The following TESK2 variants were observed in gnomAD, a reference collection of about 807,000 sequenced individuals.
TESK2 encodes testis associated actin remodelling kinase 2, also known as dual specificity testis-specific protein kinase 2.
TESK2 carries 39 observed loss-of-function variants against 57.1 expected under a neutral mutation model. The observed-to-expected ratio is 0.68, with a 90% CI of 0.53 to 0.89. The LOEUF is 0.89. TESK2 is among the 40% of genes least tolerant of loss of function. TESK2 has a pLI of 0.00. For missense variants in TESK2, 646 were observed against 732.1 expected (o/e 0.88, Z 1.36); for synonymous variants, 249 against 267.9 (o/e 0.93, Z 0.69).
intron 2 of TESK2, among the ~76,000 whole-genome samples, chr1:45,453,180 C>CA (rs540991542): frequency 1.2e-4 from 18 of 149,386 alleles, no homozygotes; most frequent in African/African-American, 2.9e-4. Flanking sequence ...CACAACTCTA[C>CA]AAAAAAAAAT....
intron 1 of TESK2, among the ~76,000 whole-genome samples, chr1:45,470,158 TAA>T: frequency 6.6e-6 from 1 of 152,350 alleles, no homozygotes; most frequent in East Asian, 1.9e-4. Flanking sequence ...TTTCTTTCTA[TAA>T]TCATAAAAAG....
rs138071933 is a variant in TESK2, at chr1:45,397,070, C to T, written c.345-11110G>A. On this transcript the variant is annotated intron_variant, in intron 3 of 10. Transcript: ENST00000372086. ...CTGACCTCAAGTGATCCGCCATCCT[C>T]GGCCTCCTGAAGTGCTGGGATTACA... Among the ~76,000 whole-genome samples, 97 of 152,178 alleles carry T rather than the reference C, an allele frequency of 6.4e-4. No homozygotes were observed. The East Asian group carries it at 0.013, about 21-fold the overall frequency.
chr1:45,344,851 G>C lies in TESK2; in HGVS notation c.1705C>G (p.Gln569Glu). The change falls in exon 11 of 11, where the codon CAG becomes GAG. Residue 569 changes from glutamine to glutamate, a missense_variant. Physicochemically the swap from Gln to Glu is conservative, Grantham distance 29. Transcript: ENST00000372086. Reference sequence around the variant, plus strand: ...GGGACTAAACCCCCTCACCCATCCTGCTTTCCCTGGGTTTGCAGGCCTATG... The same window carrying C: ...GGGACTAAACCCCCTCACCCATCCTCCTTTCCCTGGGTTTGCAGGCCTATG... ...SGIGLQTQGKQDG is the reference protein window; with the variant it reads ...SGIGLQTQGKEDG 1.2e-6 allele frequency: 2 copies of C among 1,612,512 alleles called. 1 individual carries two copies. Among genetic ancestry groups the C allele is most frequent in the South Asian group, 2.2e-5 (2 of 90,984 alleles).
At chr1:45,471,110 A>G (rs1168105870) in intron 1 of TESK2, among the ~76,000 whole-genome samples, 1 of 152,088 alleles carries the variant, frequency 6.6e-6, no homozygotes, top group Admixed American at 6.6e-5. Flanking sequence ...GTGCACCTAT[A>G]GTCCCAGCTA....
intron 10 of TESK2, 45 bp from the exon 11 acceptor site, chr1:45,345,603 A>G (rs760217641): frequency 4.6e-6 from 7 of 1,515,002 alleles, no homozygotes; most frequent in African/African-American, 1.4e-5. Context: ...GTCATAACAA[A>G]TACAAGCAGC....
intron 2 of TESK2, among the ~76,000 whole-genome samples, chr1:45,430,048 T>C (rs554327800): frequency 3.9e-5 from 6 of 152,288 alleles, no homozygotes; most frequent in South Asian, 2.1e-4. Context: ...ATAAAGACTA[T>C]TGAAGTCTTT....
intron 1 of TESK2, among the ~76,000 whole-genome samples, chr1:45,484,224 T>C (rs1410774771): frequency 2.7e-5 from 4 of 148,772 alleles, no homozygotes; most frequent in Non-Finnish European, 5.9e-5. Flanking sequence ...TTCTCCTACC[T>C]CGGCCTCCCG....
chr1:45,421,966 C>G, intron 2 of TESK2, 120 bp from the exon 3 acceptor site: 1 of 973,600 alleles, frequency 1.0e-6, no homozygotes, highest in Non-Finnish European at 1.5e-6. Context: ...AAATATACAT[C>G]TAATTACATT....
intron 1 of TESK2, among the ~76,000 whole-genome samples, chr1:45,478,268 AG>A: frequency 6.6e-6 from 1 of 152,244 alleles, no homozygotes; most frequent in South Asian, 2.1e-4. Context: ...CTCATGTGGG[AG>A]GTGTTCTCTG....
At chr1:45,351,879 A>G (rs758327683) in intron 5 of TESK2, among the ~76,000 whole-genome samples, 1 of 152,222 alleles carries the variant, frequency 6.6e-6, no homozygotes, top group Non-Finnish European at 1.5e-5. Context: ...AGAAAACAAA[A>G]GTAAATAAGA....
In TESK2 at chr1:45,447,884, G is replaced by A. The variant is rs1401966055; in HGVS notation, c.222+9680C>T. On this transcript the variant is annotated intron_variant, in intron 2 of 10. Transcript: ENST00000372086. ...ACCATTTTATATGCAGTCCATCATT[G>A]TCTGAAATGTCATTATGACTGTATA... 3.9e-5 allele frequency among the ~76,000 whole-genome samples: 6 copies of A among 151,910 alleles called. No homozygotes were observed. The South Asian group carries it at 1.0e-3, about 26-fold the overall frequency.
chr1:45,423,430 A>G lies in TESK2; in HGVS notation c.223-1584T>C, dbSNP rs1047512868. Among the ~76,000 whole-genome samples the G allele has an allele frequency of 3.3e-5, 5 of 151,760 alleles. No individual in the cohort carries two copies. The South Asian group carries it at 1.0e-3, about 31-fold the overall frequency. On this transcript the variant is annotated intron_variant, in intron 2 of 10. Coordinates refer to ENST00000372086, the MANE Select transcript of TESK2 (RefSeq NM_007170.3). The stretch of plus-strand genomic sequence containing the variant: ...AAATTAGCTGGGCGTGGTGGCGGGC[A>G]CCTGTAGTCCCAGCTACTCGGGAGG...
intron 4 of TESK2, among the ~76,000 whole-genome samples, chr1:45,373,829 T>C (rs1046419953): frequency 6.6e-6 from 1 of 152,192 alleles, no homozygotes; most frequent in South Asian, 2.1e-4. Flanking sequence ...GTAGTAGCAA[T>C]GTGTGAGAGG....
chr1:45,461,653 G>A (rs914190446), intron 1 of TESK2, among the ~76,000 whole-genome samples: 8 of 152,062 alleles, frequency 5.3e-5, no homozygotes, highest in Non-Finnish European at 1.5e-5. Flanking sequence ...AAAAATAAAA[G>A]ATATTGAAGT....
chr1:45,402,578 G>A (rs1476695291), intron 3 of TESK2, among the ~76,000 whole-genome samples: 1 of 151,676 alleles, frequency 6.6e-6, no homozygotes, highest in Non-Finnish European at 1.5e-5. Context: ...TGCTTCCTGG[G>A]TTCAAGCGAT....
intron 3 of TESK2, among the ~76,000 whole-genome samples, chr1:45,392,794 C>T (rs1023139609): frequency 6.6e-6 from 1 of 151,704 alleles, no homozygotes; most frequent in African/African-American, 2.4e-5. Context: ...CCTCCCACCT[C>T]GGCCTCCCAA....
intron 1 of TESK2, among the ~76,000 whole-genome samples, chr1:45,486,015 A>G (rs1386905359): frequency 6.6e-6 from 1 of 152,218 alleles, no homozygotes; most frequent in East Asian, 1.9e-4. Context: ...TTTTCCTTTT[A>G]TCACACTGCC....
At chr1:45,427,898 G>A (rs1443298186) in intron 2 of TESK2, among the ~76,000 whole-genome samples, 2 of 152,080 alleles carry the variant, frequency 1.3e-5, no homozygotes, top group African/African-American at 2.4e-5. Flanking sequence ...AAATAACAGA[G>A]TATAATTGGA....
chr1:45,354,080 G>T (rs1238696117), intron 5 of TESK2, among the ~76,000 whole-genome samples: 5 of 152,150 alleles, frequency 3.3e-5, no homozygotes, highest in African/African-American at 1.2e-4. Context: ...AAACTGATAG[G>T]CCCCTATACT....
Sources: allele counts gnomAD v4.1 joint callset (sites outside exome capture counted in the v4.1 genomes callset), GRCh38; gene constraint gnomAD v4.1.1; transcripts MANE v1.5; gene names NCBI Gene and HGNC (gene_info 2026-07-23, HGNC 2026-07-21).